Variants in FAM227B observed in about 807,000 individuals in gnomAD.
FAM227B encodes protein FAM227B.
Under a neutral mutation model 73.8 loss-of-function variants are expected in FAM227B, and 88 were observed. That is an observed-to-expected ratio of 1.19 (90% confidence interval 1.00 to 1.42). The LOEUF is 1.42. Among genes scored for constraint, FAM227B ranks in the 40% most tolerant of loss-of-function variants. The pLI is 0.00. For synonymous variants in FAM227B, 210 were observed against 190.5 expected (o/e 1.10, Z -0.84); for missense variants, 632 against 590.9 (o/e 1.07, Z -0.72).
chr15:49,397,406 C>G (rs958596138), intron 11 of FAM227B, among the ~76,000 whole-genome samples: 10 of 152,026 alleles, frequency 6.6e-5, no homozygotes, highest in African/African-American at 2.4e-4. Context: ...AGAATGGAAC[C>G]AAGTTGGAAA....
In FAM227B at chr15:49,327,817, A is replaced by ATGTT. The variant is rs1260080465; in HGVS notation, c.*747_*750dup. The ATGTT allele has an allele frequency of 2.7e-6, 2 of 733,110 alleles. No homozygotes were observed. Among genetic ancestry groups the ATGTT allele is most frequent in the Admixed American group, 6.1e-5 (2 of 32,566 alleles). 45.4% of individuals were successfully genotyped at this position (733,110 alleles called of 1,614,324 possible). On this transcript the variant is annotated 3_prime_UTR_variant, in exon 16 of 16. Transcript: ENST00000299338. ...AGTATAAATGTCTTAATGTCCTAAA[A>ATGTT]TGTTTGATGACACCTAAAAACCCCG...
At chr15:49,368,401 G>A (rs1044260570) in intron 12 of FAM227B, among the ~76,000 whole-genome samples, 17 of 151,942 alleles carry the variant, frequency 1.1e-4, no homozygotes, top group Non-Finnish European at 2.5e-4. Flanking sequence ...TGCTTTTATT[G>A]ATACAAAAAG....
At chr15:49,414,978 T>C (rs983096046) in intron 11 of FAM227B, among the ~76,000 whole-genome samples, 1 of 152,208 alleles carries the variant, frequency 6.6e-6, no homozygotes, top group Non-Finnish European at 1.5e-5. Flanking sequence ...AAATTTTTAC[T>C]GAATACTTGG....
chr15:49,364,511 GA>G (rs1352013989), intron 13 of FAM227B, among the ~76,000 whole-genome samples: 3 of 151,926 alleles, frequency 2.0e-5, no homozygotes, highest in Admixed American at 6.6e-5. Context: ...CTCTACAGCT[GA>G]AAAAATGTTC....
chr15:49,480,391 T>A (rs942107577), intron 11 of FAM227B, among the ~76,000 whole-genome samples: 7 of 151,760 alleles, frequency 4.6e-5, no homozygotes, highest in African/African-American at 9.7e-5. Context: ...CATTGCAACC[T>A]CTGCCTCCCA....
At chr15:49,481,729 A>C (rs1597476013) in intron 11 of FAM227B, among the ~76,000 whole-genome samples, 1 of 152,188 alleles carries the variant, frequency 6.6e-6, no homozygotes, top group East Asian at 1.9e-4. Context: ...ATGCATTGTG[A>C]TAATGCTTAA....
chr15:49,371,655 TGAAATAAAATTCACTAATAAATA>T (rs2045816021), intron 11 of FAM227B, among the ~76,000 whole-genome samples: 1 of 147,464 alleles, frequency 6.8e-6, no homozygotes, highest in Non-Finnish European at 1.5e-5. Flanking sequence ...TATAAATAAA[TGAAATAAAATTCACTAATAAATA>T]AATGAAATAA....
chr15:49,351,069 A>C (rs752708659), intron 13 of FAM227B, among the ~76,000 whole-genome samples: 17 of 152,100 alleles, frequency 1.1e-4, no homozygotes, highest in Non-Finnish European at 2.1e-4. Context: ...CTCTACAATC[A>C]ATGAATTTTT....
intron 5 of FAM227B, among the ~76,000 whole-genome samples, chr15:49,579,171 G>A (rs2075655664): frequency 6.6e-6 from 1 of 152,140 alleles, no homozygotes; most frequent in Non-Finnish European, 1.5e-5. Context: ...TAAGGATGAA[G>A]AGAAAAGAGA....
chr15:49,600,590 G>A (rs2077131555), intron 3 of FAM227B, among the ~76,000 whole-genome samples: 1 of 150,886 alleles, frequency 6.6e-6, no homozygotes, highest in Non-Finnish European at 1.5e-5. Flanking sequence ...GGGAGGGAGA[G>A]GTTGCAGTGA....
chr15:49,577,410 C>A, intron 6 of FAM227B: 2 of 448,594 alleles, frequency 4.5e-6, no homozygotes, highest in South Asian at 4.7e-5. Context: ...TATTTCAGAA[C>A]TAATTTTGAT....
chr15:49,440,867 T>G (rs2051572535), intron 11 of FAM227B, among the ~76,000 whole-genome samples: 1 of 151,764 alleles, frequency 6.6e-6, no homozygotes, highest in African/African-American at 2.4e-5. Context: ...GAGGTATTAT[T>G]AAACATTCTA....
At chr15:49,489,807 ATATATATATATATTTT>A (rs2056760395) in intron 11 of FAM227B, among the ~76,000 whole-genome samples, 1 of 51,914 alleles carries the variant, frequency 1.9e-5, no homozygotes, top group African/African-American at 8.7e-5. Flanking sequence ...TATATTTTAT[ATATATATATATATTTT>A]ATATATATAT....
intron 13 of FAM227B, chr15:49,343,498 G>A (rs1257281156): frequency 1.3e-5 from 2 of 152,138 alleles, no homozygotes; most frequent in Non-Finnish European, 2.9e-5. Flanking sequence ...AGATGGAAGA[G>A]TGACTGTATT....
At chr15:49,418,166 C>T (rs746665703) in intron 11 of FAM227B, among the ~76,000 whole-genome samples, 7 of 151,942 alleles carry the variant, frequency 4.6e-5, no homozygotes, top group East Asian at 3.9e-4. Context: ...AAAAAATAAA[C>T]GCTGGCAAGC....
chr15:49,345,207 T>C (rs1213799639), intron 13 of FAM227B, among the ~76,000 whole-genome samples: 4 of 152,222 alleles, frequency 2.6e-5, no homozygotes, highest in South Asian at 2.1e-4. Flanking sequence ...ACTATTGGTA[T>C]TGAAATCAAG....
rs2047512568 is a variant in FAM227B, at chr15:49,395,433, G to C, written c.1013-24034C>G. Among the ~76,000 whole-genome samples the C allele has an allele frequency of 2.0e-5, 3 of 152,188 alleles. No homozygotes were observed. The South Asian group carries it at 6.2e-4, about 32-fold the overall frequency. Reference sequence around the variant, plus strand: ...GGGCAAGGGAGAGGCTAAAATTCTAGAGGGAAGAGTCCTATGTGAGCTGTC... The same window carrying C: ...GGGCAAGGGAGAGGCTAAAATTCTACAGGGAAGAGTCCTATGTGAGCTGTC... On this transcript the variant is annotated intron_variant, in intron 11 of 15. Transcript: ENST00000299338.
chr15:49,584,999 A>C (rs1284929201), intron 5 of FAM227B, among the ~76,000 whole-genome samples: 1 of 151,610 alleles, frequency 6.6e-6, no homozygotes, highest in Non-Finnish European at 1.5e-5. Flanking sequence ...TACAAGAAAA[A>C]AACAAACAAC....
intron 11 of FAM227B, among the ~76,000 whole-genome samples, chr15:49,443,947 T>C (rs1287596831): frequency 6.6e-6 from 1 of 151,728 alleles, no homozygotes; most frequent in African/African-American, 2.4e-5. Context: ...ATTTACATCA[T>C]GCTTCTACAT....
Sources: gnomAD v4.1 joint callset for allele counts (sites outside exome capture counted in the v4.1 genomes callset) on GRCh38, gnomAD v4.1.1 for gene constraint, MANE v1.5 for transcripts, NCBI Gene and HGNC (gene_info 2026-07-23, HGNC 2026-07-21) for gene names.